Variants in CCDC171 observed in about 807,000 individuals in gnomAD.
CCDC171 encodes the protein coiled-coil domain-containing protein 171.
CCDC171 carries 177 observed loss-of-function variants against 168.2 expected under a neutral mutation model. That is an observed-to-expected ratio of 1.05 (90% CI 0.93 to 1.19). CCDC171 has a LOEUF of 1.19. CCDC171 is among the 50% of genes most tolerant of loss of function. The pLI is 0.00. For missense variants in CCDC171, 1,991 were observed against 1,539.0 expected (o/e 1.29, Z -4.91); for synonymous variants, 687 against 540.8 (o/e 1.27, Z -3.75).
chr9:15,614,762 A>G (rs2043960575), intron 6 of CCDC171, among the ~76,000 whole-genome samples: 1 of 152,222 alleles, frequency 6.6e-6, no homozygotes, highest in Non-Finnish European at 1.5e-5. Context: ...GAAGGACTAA[A>G]AAGTTTCCTA....
chr9:15,954,037 A>T (rs183923533), intron 25 of CCDC171, among the ~76,000 whole-genome samples: 1 of 151,234 alleles, frequency 6.6e-6, no homozygotes, highest in East Asian at 1.9e-4. Context: ...TTCTCTTTTG[A>T]TATTAGTAAT....
Position 15,923,098 on chromosome 9 carries a change from A to G in CCDC171, c.3753+2676A>G, listed in dbSNP as rs528407166. Among the ~76,000 whole-genome samples the G allele has an allele frequency of 1.8e-3, 278 of 151,336 alleles. 2 individuals are homozygous for G. Among genetic ancestry groups the G allele is most frequent in the African/African-American group, 6.4e-3 (266 of 41,432 alleles). On this transcript the variant is annotated intron_variant, in intron 25 of 25. Transcript: ENST00000380701. ...ATTTGTCTGTTTTTGGTTGTATTGC[A>G]TATAATTTTTAAGATCATATCCCAA... is the stretch of plus-strand genomic sequence containing the variant.
chr9:15,953,852 C>G (rs1829474832), intron 25 of CCDC171, among the ~76,000 whole-genome samples: 1 of 151,972 alleles, frequency 6.6e-6, no homozygotes, highest in African/African-American at 2.4e-5. Context: ...AATCTGTTTA[C>G]TAGTTATAGA....
intron 6 of CCDC171, among the ~76,000 whole-genome samples, chr9:15,604,510 A>G (rs945901628): frequency 6.6e-6 from 1 of 152,222 alleles, no homozygotes; most frequent in African/African-American, 2.4e-5. Flanking sequence ...TACCTCAACC[A>G]GGGAATACAG....
chr9:15,590,158 G>A (rs1419964281), intron 4 of CCDC171, among the ~76,000 whole-genome samples: 2 of 152,208 alleles, frequency 1.3e-5, no homozygotes, highest in East Asian at 3.8e-4. Flanking sequence ...TGCAATGCTG[G>A]ATGAGAGACC....
intron 7 of CCDC171, among the ~76,000 whole-genome samples, chr9:15,628,463 G>C (rs557522722): frequency 4.6e-5 from 7 of 152,218 alleles, no homozygotes; most frequent in Admixed American, 3.3e-4. Context: ...CAAGGCGGCA[G>C]CGAGGCTAGG....
downstream of CCDC171, among the ~76,000 whole-genome samples, chr9:15,975,389 T>A (rs546026355): frequency 1.3e-5 from 2 of 152,328 alleles, no homozygotes; most frequent in South Asian, 2.1e-4. Context: ...AAATTTTTTT[T>A]AATTGTCCTG....
chr9:15,558,358 G>A (rs1563935305), intron 1 of CCDC171, among the ~76,000 whole-genome samples: 1 of 152,058 alleles, frequency 6.6e-6, no homozygotes, highest in African/African-American at 2.4e-5. Context: ...CAGTGAATCC[G>A]TCTGGTCCTG....
intron 1 of CCDC171, among the ~76,000 whole-genome samples, chr9:15,559,145 A>T (rs2039059979): frequency 6.6e-6 from 1 of 152,140 alleles, no homozygotes; most frequent in South Asian, 2.1e-4. Flanking sequence ...GGAGTGCTTT[A>T]CTTCCAACTA....
At chr9:15,788,640 C>T (rs1163620203) in intron 21 of CCDC171, among the ~76,000 whole-genome samples, 1 of 151,276 alleles carries the variant, frequency 6.6e-6, no homozygotes, top group Non-Finnish European at 1.5e-5. Context: ...GCCACGACCT[C>T]CTAGGCTTAA....
chr9:15,666,665 A>T (rs1374447534), intron 9 of CCDC171, among the ~76,000 whole-genome samples: 1 of 152,130 alleles, frequency 6.6e-6, no homozygotes, highest in Non-Finnish European at 1.5e-5. Context: ...TCTACAAAAA[A>T]AATAAAAAAA....
chr9:15,933,454 C>G (rs181033784), intron 25 of CCDC171, among the ~76,000 whole-genome samples: 2 of 151,748 alleles, frequency 1.3e-5, no homozygotes, highest in African/African-American at 4.8e-5. Flanking sequence ...TTCCAAAAAA[C>G]GAATGCTTCA....
intron 21 of CCDC171, among the ~76,000 whole-genome samples, chr9:15,802,212 A>G (rs944778893): frequency 1.3e-5 from 2 of 151,564 alleles, no homozygotes; most frequent in Non-Finnish European, 2.9e-5. Flanking sequence ...AGCTTTATTT[A>G]TTTATTTATT....
chr9:15,728,603 T>C (rs1347032115), intron 15 of CCDC171, among the ~76,000 whole-genome samples: 1 of 152,178 alleles, frequency 6.6e-6, no homozygotes, highest in Non-Finnish European at 1.5e-5. Context: ...AGTAGACCTT[T>C]ATGGTAACAT....
chr9:15,770,641 A>T (rs554291721), intron 18 of CCDC171, among the ~76,000 whole-genome samples: 3 of 152,204 alleles, frequency 2.0e-5, no homozygotes, highest in Non-Finnish European at 2.9e-5. Context: ...AATCAGTGTT[A>T]CATGTCCCCT....
chr9:15,867,763 A>G (rs2061852645), intron 23 of CCDC171, among the ~76,000 whole-genome samples: 1 of 152,096 alleles, frequency 6.6e-6, no homozygotes, highest in Non-Finnish European at 1.5e-5. Context: ...TTCAGCGTGT[A>G]TCTGTCTTTA....
chr9:15,890,238 A>G (rs1206430034), intron 24 of CCDC171, among the ~76,000 whole-genome samples: 1 of 152,130 alleles, frequency 6.6e-6, no homozygotes, highest in Admixed American at 6.5e-5. Context: ...AATGAAAGAC[A>G]TGGTTGCCAT....
chr9:15,968,466 A>G (rs1178794661), intron 25 of CCDC171, among the ~76,000 whole-genome samples: 1 of 152,120 alleles, frequency 6.6e-6, no homozygotes, highest in African/African-American at 2.4e-5. Context: ...TATAACAAGA[A>G]AAACCGGTCA....
the CCDC171 span, among the ~76,000 whole-genome samples, chr9:16,067,765 A>G: frequency 6.6e-6 from 1 of 152,218 alleles, no homozygotes; most frequent in African/African-American, 2.4e-5. Flanking sequence ...CAAAGATCAG[A>G]TAGTTGTAGA....
Sources: allele counts gnomAD v4.1 joint callset (sites outside exome capture counted in the v4.1 genomes callset), GRCh38; gene constraint gnomAD v4.1.1; transcripts MANE v1.5; gene names NCBI Gene and HGNC (gene_info 2026-07-23, HGNC 2026-07-21).